INSC: variants seen among roughly 807,000 people sequenced by gnomAD.
INSC encodes the protein INSC spindle orientation adaptor protein.
Under a neutral mutation model 58.6 loss-of-function variants are expected in INSC, and 67 were observed. That is an observed-to-expected ratio of 1.14 (90% confidence interval 0.94 to 1.40). The LOEUF (loss-of-function observed/expected upper bound fraction) is 1.40. Among genes scored for constraint, INSC ranks in the 40% most tolerant of loss-of-function variants. The pLI, the probability that INSC is intolerant of heterozygous loss-of-function variation, is 0.00. For synonymous variants in INSC, 262 were observed against 276.1 expected, an observed-to-expected ratio of 0.95 and a Z score of 0.51; for missense variants, 714 against 692.0, an observed-to-expected ratio of 1.03 and a Z score of -0.36.
intron 12 of INSC, among the ~76,000 whole-genome samples, chr11:15,244,248 A>G (rs1852474494): frequency 6.6e-6 from 1 of 152,186 alleles, no homozygotes; most frequent in Non-Finnish European, 1.5e-5. Context: ...AGTGCTGTGA[A>G]GTTTACCCTT....
chr11:15,129,494 T>C (rs1472422776), intron 1 of INSC, among the ~76,000 whole-genome samples: 1 of 152,228 alleles, frequency 6.6e-6, no homozygotes, highest in African/African-American at 2.4e-5. Flanking sequence ...CATTTCCCTA[T>C]CATATATATG....
chr11:15,218,368 A>C (rs150754263), intron 7 of INSC, among the ~76,000 whole-genome samples: 31 of 152,296 alleles, frequency 2.0e-4, no homozygotes, highest in African/African-American at 7.2e-4. Context: ...GAGGAAAACA[A>C]GGGAATAATA....
intron 9 of INSC, among the ~76,000 whole-genome samples, chr11:15,231,428 T>C (rs1376130139): frequency 6.6e-6 from 1 of 152,214 alleles, no homozygotes; most frequent in African/African-American, 2.4e-5. Flanking sequence ...AAAAATCTCA[T>C]AATGTTTTAA....
Position 15,200,879 on chromosome 11 carries a change from T to C in INSC, c.749T>C (p.Leu250Ser), listed in dbSNP as rs370188853. 22 of 1,613,830 alleles carry C rather than the reference T, an allele frequency of 1.4e-5. No individual in the cohort carries two copies. The highest frequency in any genetic ancestry group is 9.3e-6 in the Non-Finnish European group (11 of 1,180,014). ...TGCCGGCAGGACAGTTTCCGGTGCT[T>C]GTACCCCCAGGCGCTCCGCACGCTG... ...KVCRQDSFRC[L>S]YPQALRTLAS... is the part of the protein sequence containing the mutation. Residue 250 changes from leucine to serine, a missense_variant, in exon 7 of 13, where the codon TTG (leucine) becomes TCG (serine). Leu to Ser is a moderately radical substitution (Grantham distance 145). Coordinates refer to ENST00000379556, the MANE Select transcript of INSC (RefSeq NM_001042536.3).
chr11:15,267,370 T>A, the INSC span, among the ~76,000 whole-genome samples: 1,069 of 152,084 alleles, frequency 7.0e-3, 17 homozygotes, highest in African/African-American at 0.024. Flanking sequence ...TCCAATTACA[T>A]GCCTATTGGG....
chr11:15,139,818 C>T (rs1355017626), intron 1 of INSC, among the ~76,000 whole-genome samples: 1 of 152,238 alleles, frequency 6.6e-6, no homozygotes, highest in Non-Finnish European at 1.5e-5. Context: ...CCAGGCCTCC[C>T]TTGGAGCTAC....
At chr11:15,196,562 G>C (rs1279530618) in intron 6 of INSC, among the ~76,000 whole-genome samples, 1 of 152,148 alleles carries the variant, frequency 6.6e-6, no homozygotes, top group East Asian at 1.9e-4. Context: ...CAGCTTGCTT[G>C]CTCTGGGTAT....
At chr11:15,176,184 C>T in intron 3 of INSC, 98 bp downstream of exon 3, 1 of 1,022,814 alleles carries the variant, frequency 9.8e-7, no homozygotes, top group Non-Finnish European at 1.4e-6. Flanking sequence ...CTTTTTTGCT[C>T]CAGAAGCCTT....
chr11:15,202,905 A>G (rs910159484), intron 7 of INSC, among the ~76,000 whole-genome samples: 1 of 152,246 alleles, frequency 6.6e-6, no homozygotes. Context: ...CTTTCGCAGT[A>G]TAGACGGCCC....
intron 2 of INSC, among the ~76,000 whole-genome samples, chr11:15,151,515 C>T (rs1189945549): frequency 1.3e-5 from 2 of 152,268 alleles, no homozygotes; most frequent in Middle Eastern, 3.4e-3. Context: ...GGGTCAGAGA[C>T]GAGCTTCCTG....
intron 1 of INSC, among the ~76,000 whole-genome samples, chr11:15,139,337 A>G (rs771781122): frequency 2.6e-5 from 4 of 152,190 alleles, no homozygotes; most frequent in Non-Finnish European, 4.4e-5. Context: ...TAATTTTAGC[A>G]CCCTGGGCCC....
intron 2 of INSC, among the ~76,000 whole-genome samples, chr11:15,158,571 A>G (rs1848897722): frequency 6.6e-6 from 1 of 152,124 alleles, no homozygotes; most frequent in African/African-American, 2.4e-5. Flanking sequence ...ATCGTAGTCT[A>G]TCCTGCTCAC....
chr11:15,117,195 G>C (rs1029553592), intron 1 of INSC, among the ~76,000 whole-genome samples: 4 of 151,666 alleles, frequency 2.6e-5, no homozygotes, highest in African/African-American at 9.7e-5. Flanking sequence ...GCCTGCCTAG[G>C]CCTCCGATAC....
At chr11:15,170,323 T>C (rs1174037995) in intron 2 of INSC, among the ~76,000 whole-genome samples, 5 of 152,216 alleles carry the variant, frequency 3.3e-5, no homozygotes, top group South Asian at 2.1e-4. Context: ...CAGGATATCA[T>C]ATTACACTTA....
chr11:15,228,229 T>G (rs576089563), intron 9 of INSC, among the ~76,000 whole-genome samples: 58 of 152,268 alleles, frequency 3.8e-4, no homozygotes, highest in African/African-American at 1.3e-3. Flanking sequence ...ATCTGTAAAA[T>G]GGGCATGACC....
intron 8 of INSC, 91 bp from the exon 9 acceptor site, chr11:15,225,559 C>T (rs954526291): frequency 2.2e-5 from 29 of 1,300,474 alleles, no homozygotes; most frequent in African/African-American, 7.4e-5. Flanking sequence ...CCTGCTCAAA[C>T]GATCTCCCAG....
At chr11:15,229,341 G>A (rs2133950884) in intron 9 of INSC, among the ~76,000 whole-genome samples, 1 of 152,268 alleles carries the variant, frequency 6.6e-6, no homozygotes. Context: ...GGGAATGCCA[G>A]TCACTAGGGG....
chr11:15,178,329 T>C lies in INSC; in HGVS notation c.461T>C (p.Leu154Pro). The C allele has an allele frequency of 6.2e-7, 1 of 1,613,964 alleles. No homozygotes were observed. Among genetic ancestry groups the C allele is most frequent in the South Asian group, 1.1e-5 (1 of 91,088 alleles). ...CCATGGTTTCTTCTCTTCAGGTGCC[T>C]TCAGGTTGAGAATGAGCATGTCCTG... ...SELSAVTERCLQVENEHVLKS... is the reference protein window; with the variant it reads ...SELSAVTERCPQVENEHVLKS... Residue 154 changes from leucine (L) to proline (P), a missense_variant, in exon 5 of 13, where the codon CTT (leucine) becomes CCT (proline). Coordinates refer to ENST00000379556, the MANE Select transcript of INSC (RefSeq NM_001042536.3).
intron 2 of INSC, among the ~76,000 whole-genome samples, chr11:15,149,636 T>G (rs922547153): frequency 6.6e-6 from 1 of 152,142 alleles, no homozygotes; most frequent in Non-Finnish European, 1.5e-5. Context: ...AAGTACTTGT[T>G]GTCCTGAGTT....
Sources: gnomAD v4.1 joint callset for allele counts (sites outside exome capture counted in the v4.1 genomes callset) on GRCh38, gnomAD v4.1.1 for gene constraint, MANE v1.5 for transcripts, NCBI Gene and HGNC (gene_info 2026-07-23, HGNC 2026-07-21) for gene names.